The following IMMP2L variants were observed in gnomAD, a reference collection of about 807,000 sequenced individuals.
IMMP2L encodes the protein inner mitochondrial membrane peptidase subunit 2, also known as mitochondrial inner membrane protease subunit 2.
IMMP2L carries 18 observed loss-of-function variants against 19.3 expected under a neutral mutation model. That is an observed-to-expected ratio of 0.93 (90% CI 0.64 to 1.38). The LOEUF (loss-of-function observed/expected upper bound fraction) is 1.38, where lower values mean the gene tolerates loss of function less well. IMMP2L is among the 40% of genes most tolerant of loss of function. The pLI, the probability that IMMP2L is intolerant of heterozygous loss-of-function variation, is 0.00. For missense variants in IMMP2L, 233 were observed against 218.2 expected (o/e 1.07, Z -0.43); for synonymous variants, 76 against 73.0 (o/e 1.04, Z -0.21).
At chr7:111,074,468 G>A (rs1226972885) in intron 3 of IMMP2L, among the ~76,000 whole-genome samples, 1 of 152,234 alleles carries the variant, frequency 6.6e-6, no homozygotes, top group East Asian at 1.9e-4. Flanking sequence ...TTGGTCCTAT[G>A]TAAAATACAT....
At chr7:111,059,008 A>T (rs917421576) in intron 3 of IMMP2L, among the ~76,000 whole-genome samples, 11 of 151,552 alleles carry the variant, frequency 7.3e-5, no homozygotes, top group African/African-American at 2.4e-4. Context: ...TTTGAGATGG[A>T]GTCTTGCACT....
intron 5 of IMMP2L, among the ~76,000 whole-genome samples, chr7:110,812,036 C>T (rs1438224988): frequency 1.3e-5 from 2 of 151,976 alleles, no homozygotes; most frequent in Non-Finnish European, 2.9e-5. Flanking sequence ...ACTCGTCCAA[C>T]CTTATTTCTC....
chr7:111,084,066 T>C (rs1297665498), intron 3 of IMMP2L, among the ~76,000 whole-genome samples: 1 of 151,634 alleles, frequency 6.6e-6, no homozygotes, highest in Admixed American at 6.6e-5. Context: ...GACTAGAAGG[T>C]ATGAGATTGG....
At chr7:111,356,701 A>G (rs1272346698) in intron 3 of IMMP2L, among the ~76,000 whole-genome samples, 1 of 152,122 alleles carries the variant, frequency 6.6e-6, no homozygotes, top group African/African-American at 2.4e-5. Flanking sequence ...AGAATTGACA[A>G]TTTTATAGTT....
At chr7:111,222,756 G>C (rs1208067519) in intron 3 of IMMP2L, among the ~76,000 whole-genome samples, 2 of 151,964 alleles carry the variant, frequency 1.3e-5, no homozygotes, top group Non-Finnish European at 2.9e-5. Flanking sequence ...AACTACTTTT[G>C]AAAATAAGCT....
intron 3 of IMMP2L, among the ~76,000 whole-genome samples, chr7:111,070,635 A>C (rs1794872336): frequency 6.6e-6 from 1 of 152,132 alleles, no homozygotes; most frequent in African/African-American, 2.4e-5. Context: ...GTTTAAAAGG[A>C]TTTTCCCTAG....
At chr7:110,776,581 C>T (rs1014373499) in intron 5 of IMMP2L, among the ~76,000 whole-genome samples, 3 of 152,008 alleles carry the variant, frequency 2.0e-5, no homozygotes, top group African/African-American at 7.2e-5. Context: ...TTCCTTAAAG[C>T]TAATTGTTGA....
chr7:111,382,725 A>C (rs964420055), intron 3 of IMMP2L, among the ~76,000 whole-genome samples: 4 of 152,118 alleles, frequency 2.6e-5, no homozygotes, highest in Admixed American at 1.3e-4. Flanking sequence ...CCTAGAACAC[A>C]GATGGACAGG....
chr7:111,300,925 A>C (rs962989686), intron 3 of IMMP2L, among the ~76,000 whole-genome samples: 2 of 152,146 alleles, frequency 1.3e-5, no homozygotes, highest in Non-Finnish European at 2.9e-5. Context: ...TTGTTGGAAC[A>C]TAAGTTTTCA....
At chr7:111,430,065 T>A (rs1486895014) in intron 3 of IMMP2L, among the ~76,000 whole-genome samples, 3 of 151,872 alleles carry the variant, frequency 2.0e-5, no homozygotes, top group Non-Finnish European at 4.4e-5. Flanking sequence ...AAAACAAACA[T>A]AAGGAAATGC....
intron 3 of IMMP2L, chr7:111,391,984 C>T (rs1832400682): frequency 1.4e-6 from 1 of 702,968 alleles, no homozygotes; most frequent in African/African-American, 1.7e-5. Context: ...AACAGAGGTT[C>T]AGAAAGTGTC....
At chr7:111,531,651 A>C (rs1389568241) in intron 1 of IMMP2L, among the ~76,000 whole-genome samples, 2 of 152,200 alleles carry the variant, frequency 1.3e-5, no homozygotes, top group Non-Finnish European at 1.5e-5. Flanking sequence ...TTGGATTTCA[A>C]CACTGTACTT....
chr7:111,356,844 C>T (rs559901977), intron 3 of IMMP2L, among the ~76,000 whole-genome samples: 4 of 152,078 alleles, frequency 2.6e-5, no homozygotes, highest in East Asian at 3.9e-4. Flanking sequence ...CTGGCCAACA[C>T]GGTGAAACCC....
chr7:110,862,222 A>T (rs1859846), intron 5 of IMMP2L, among the ~76,000 whole-genome samples: 87,279 of 151,322 alleles, frequency 0.58, 26,254 homozygotes, highest in East Asian at 0.84. Context: ...AATTTTTTTT[A>T]ATATATTTTA....
At chr7:111,160,217 G>T (rs574579401) in intron 3 of IMMP2L, among the ~76,000 whole-genome samples, 1 of 152,110 alleles carries the variant, frequency 6.6e-6, no homozygotes, top group African/African-American at 2.4e-5. Flanking sequence ...ATTTATGAAA[G>T]TATGCCATAA....
intron 5 of IMMP2L, among the ~76,000 whole-genome samples, chr7:110,695,749 C>T (rs1019514423): frequency 6.6e-6 from 1 of 151,940 alleles, no homozygotes; most frequent in Non-Finnish European, 1.5e-5. Flanking sequence ...TAGAGAGACA[C>T]CAAAGCAACA....
intron 4 of IMMP2L, among the ~76,000 whole-genome samples, chr7:110,940,696 G>A (rs1193011384): frequency 6.6e-6 from 1 of 152,136 alleles, no homozygotes; most frequent in African/African-American, 2.4e-5. Context: ...ATCAAGGTAT[G>A]CAAATGTATG....
At chr7:111,164,690 G>A (rs192663682) in intron 3 of IMMP2L, among the ~76,000 whole-genome samples, 1 of 152,146 alleles carries the variant, frequency 6.6e-6, no homozygotes, top group East Asian at 1.9e-4. Flanking sequence ...AAAAGCAAAG[G>A]AAGGGCATAA....
chr7:110,802,941 C>T (rs1428904518), intron 5 of IMMP2L, among the ~76,000 whole-genome samples: 1 of 152,012 alleles, frequency 6.6e-6, no homozygotes, highest in African/African-American at 2.4e-5. Context: ...AGCTAACAGT[C>T]TAGAAGGATA....
Sources: gnomAD v4.1 joint callset for allele counts (sites outside exome capture counted in the v4.1 genomes callset) on GRCh38, gnomAD v4.1.1 for gene constraint, MANE v1.5 for transcripts, NCBI Gene and HGNC (gene_info 2026-07-23, HGNC 2026-07-21) for gene names.